Variants in AHDC1 observed in about 807,000 individuals in gnomAD.
The protein encoded by AHDC1 is transcription factor Gibbin.
AHDC1 carries 7 observed loss-of-function variants against 87.9 expected under a neutral mutation model. That is an observed-to-expected ratio of 0.08 (90% CI 0.05 to 0.15). The LOEUF is 0.15. Ranked by LOEUF, AHDC1 falls within the 10% of genes least tolerant of loss-of-function variation. The pLI is 1.00. For missense variants in AHDC1, 1,841 were observed against 2,253.2 expected, an observed-to-expected ratio of 0.82 and a Z score of 3.70; for synonymous variants, 1,051 against 1,006.8, an observed-to-expected ratio of 1.04 and a Z score of -0.83.
At chr1:27,577,524 G>A (rs2088789642) in intron 3 of AHDC1, among the ~76,000 whole-genome samples, 1 of 152,154 alleles carries the variant, frequency 6.6e-6, no homozygotes. Flanking sequence ...GCATCTGGGG[G>A]TGAGGGGAGA....
At chr1:27,574,552 G>A (rs1484094341) in intron 3 of AHDC1, among the ~76,000 whole-genome samples, 1 of 152,182 alleles carries the variant, frequency 6.6e-6, no homozygotes, top group Non-Finnish European at 1.5e-5. Flanking sequence ...TGGCAACTGT[G>A]GCATAGGTGA....
Position 27,560,200 on chromosome 1 carries a change from T to TTGTGTG in AHDC1, c.-628-1323_-628-1318dup, listed in dbSNP as rs10623052. Among the ~76,000 whole-genome samples, 1,387 of 148,512 alleles carry TTGTGTG rather than the reference T, an allele frequency of 9.3e-3. 13 individuals carry two copies. The highest frequency in any genetic ancestry group is 0.028 in the Middle Eastern group (8 of 288). On this transcript the variant is annotated intron_variant, in intron 3 of 8. Transcript: ENST00000673934. The surrounding 1 kb of genome is among the most constrained non-coding windows in gnomAD (Gnocchi z 4.1). ...CTTTTCACGTTTATTTCTATTCGTT[T>TTGTGTG]TGTGTGTGTGTGTGTGTGTGTGTGA... is the stretch of plus-strand genomic sequence containing the variant.
rs2019424604 is a variant in AHDC1, at chr1:27,549,824, T to C, written c.2292A>G (p.Ala764=). 6.2e-6 allele frequency: 10 copies of C among 1,613,568 alleles called. No homozygotes were observed. Among genetic ancestry groups the C allele is most frequent in the Non-Finnish European group, 8.5e-6 (10 of 1,179,864 alleles). ...QVPSGPGFGE[A]GAEWAGDKGG... ...CCTTATCCCCGGCCCACTCAGCACC[T>C]GCCTCCCCAAAGCCTGGGCCACTGG... is the stretch of plus-strand genomic sequence containing the variant. The change falls in exon 8 of 9, where the codon GCA becomes GCG. Residue 764 remains alanine (A), a synonymous_variant. Transcript: ENST00000673934.
chr1:27,585,034 G>T (rs1311834818), intron 3 of AHDC1, among the ~76,000 whole-genome samples: 3 of 151,988 alleles, frequency 2.0e-5, no homozygotes, highest in Non-Finnish European at 4.4e-5. Flanking sequence ...TTAGCCGGGT[G>T]TGGTGGCAGG....
intron 3 of AHDC1, among the ~76,000 whole-genome samples, chr1:27,571,109 A>T (rs1226278314): frequency 6.6e-6 from 1 of 152,186 alleles, no homozygotes; most frequent in Non-Finnish European, 1.5e-5. Flanking sequence ...GGCCAGACCC[A>T]GTGTGGGCTG....
At chr1:27,544,716 T>C (rs1239240125) in intron 8 of AHDC1, among the ~76,000 whole-genome samples, 2 of 152,202 alleles carry the variant, frequency 1.3e-5, no homozygotes, top group Non-Finnish European at 2.9e-5. Context: ...GGGGTTGCCC[T>C]AGAGCCTGTG....
chr1:27,556,975 G>C (rs1409998896), intron 5 of AHDC1, among the ~76,000 whole-genome samples: 1 of 149,504 alleles, frequency 6.7e-6, no homozygotes, highest in Non-Finnish European at 1.5e-5. Flanking sequence ...CGCCCCCTGG[G>C]GCCATCAGGG....
intron 3 of AHDC1, among the ~76,000 whole-genome samples, chr1:27,566,867 G>A (rs952980858): frequency 2.6e-5 from 4 of 151,942 alleles, no homozygotes; most frequent in Non-Finnish European, 4.4e-5. Flanking sequence ...TTGCCATGGA[G>A]GCGGGCACGG....
chr1:27,603,217 C>G (rs1163424917), intron 3 of AHDC1, among the ~76,000 whole-genome samples, 180 bp downstream of exon 3: 1 of 148,580 alleles, frequency 6.7e-6, no homozygotes, highest in Non-Finnish European at 1.5e-5. Flanking sequence ...GGCTTCGAGC[C>G]GAGCCCAGCC....
rs1026015088 is a variant in AHDC1 at position 27,565,160 on chromosome 1, G to C, written c.-628-6277C>G. Among the ~76,000 whole-genome samples the C allele has an allele frequency of 2.0e-5, 3 of 152,182 alleles. No homozygotes were observed. The highest frequency in any genetic ancestry group is 4.4e-5 in the Non-Finnish European group (3 of 68,014). On this transcript the variant is annotated intron_variant, in intron 3 of 8. Transcript: ENST00000673934. The surrounding 1 kb of genome is among the most constrained non-coding windows in gnomAD (Gnocchi z 4.6). ...AGCGGCTAATTTTAGCTGAGGCCTC[G>C]ATGCCAGCTTTGTTCCCCCCACCCA...
At chr1:27,585,174 C>A (rs2089015686) in intron 3 of AHDC1, among the ~76,000 whole-genome samples, 1 of 151,010 alleles carries the variant, frequency 6.6e-6, no homozygotes, top group Non-Finnish European at 1.5e-5. Flanking sequence ...AATCACCTGA[C>A]CCTGGGAAGT....
rs1557655967 is a variant in AHDC1, at chr1:27,547,746, T to C, written c.4370A>G (p.Asp1457Gly). ...GGCTGTGCCCTTGCAGCTGGGGGAA[T>C]CGTAGTGGGGCTGGCCCAGCGGCAG... ...RDLPLGQPHY[D>G]SPSCKGTAYW... Residue 1457 changes from aspartate (D) to glycine (G), a missense_variant, in exon 8 of 9, where the codon GAT becomes GGT. Physicochemically the swap from Asp to Gly is moderately conservative, Grantham distance 94. Around this residue, in one of 13 missense-constraint regions of AHDC1, gnomAD observed 505 missense variants for 626.2 expected, o/e 0.81. Coordinates refer to ENST00000673934, the MANE Select transcript of AHDC1 (RefSeq NM_001371928.1). This position sits in a 1 kb window ranked among gnomAD's most constrained non-coding sequence, Gnocchi z 4.9. The C allele has an allele frequency of 1.3e-6, 2 of 1,592,740 alleles. No homozygotes were observed. Among genetic ancestry groups the C allele is most frequent in the Middle Eastern group, 4.0e-4 (2 of 5,002 alleles).
chr1:27,578,161 A>G (rs2088809973), intron 3 of AHDC1, among the ~76,000 whole-genome samples: 1 of 152,244 alleles, frequency 6.6e-6, no homozygotes, highest in South Asian at 2.1e-4. Flanking sequence ...CAGAACTGGA[A>G]TGTGCTGTAA....
intron 8 of AHDC1, among the ~76,000 whole-genome samples, chr1:27,546,131 G>A (rs779782093): frequency 2.0e-5 from 3 of 152,216 alleles, no homozygotes; most frequent in Non-Finnish European, 4.4e-5. Flanking sequence ...TTCAGTGGCA[G>A]CAGAGGTGAA....
At chr1:27,568,134 A>G (rs1348516654) in intron 3 of AHDC1, 2 of 152,170 alleles carry the variant, frequency 1.3e-5, no homozygotes, top group Non-Finnish European at 2.9e-5. Flanking sequence ...GAAGGGCCCG[A>G]TAGTACAAGG....
intron 3 of AHDC1, among the ~76,000 whole-genome samples, chr1:27,600,825 A>G (rs1474229500): frequency 5.9e-5 from 9 of 152,176 alleles, no homozygotes; most frequent in Non-Finnish European, 1.2e-4. Flanking sequence ...GGGTTCCAGA[A>G]GCCTCCCAGC....
At position 27,547,364 on chromosome 1, in the gene AHDC1, G is replaced by A. The variant is rs771516746; in HGVS notation, c.4752C>T (p.Gly1584=). 10 of 1,554,694 alleles carry A rather than the reference G, an allele frequency of 6.4e-6. No homozygotes were observed. The South Asian group carries it at 1.1e-4, about 17-fold the overall frequency. Residue 1584 remains glycine, a synonymous_variant, in exon 8 of 9, where the codon GGC becomes GGT. Coordinates refer to ENST00000673934, the MANE Select transcript of AHDC1 (RefSeq NM_001371928.1). The surrounding 1 kb of genome is among the most constrained non-coding windows in gnomAD (Gnocchi z 4.9). The part of the protein sequence containing the change: ...HPGLGGGPKS[G]FLGPMAEPHP... ...GAGGTTCCGCCATGGGCCCCAGGAA[G>A]CCGCTCTTGGGGCCCCCACCCAGGC... is the stretch of plus-strand genomic sequence containing the variant.
rs147276945 is a variant in AHDC1 at position 27,550,705 on chromosome 1, C to A, written c.1411G>T (p.Val471Leu). ...GCCATCTTCACCACCATGCGCCGCA[C>A]GCCCCGGCACTTGCCTTTGCGGGTA... ...VSTRKGKCRG[V>L]RRMVVKMAKI... The change falls in exon 8 of 9, where the codon GTG becomes TTG. Residue 471 changes from valine (V) to leucine (L), a missense_variant. By Grantham distance (32) the Val-to-Leu change is conservative. This residue lies in a region of AHDC1 where 27 missense variants were observed against 58.6 expected (regional missense o/e 0.46). Coordinates refer to ENST00000673934, the MANE Select transcript of AHDC1 (RefSeq NM_001371928.1). 8 of 1,608,298 alleles carry A rather than the reference C, an allele frequency of 5.0e-6. No homozygotes were observed. The highest frequency in any genetic ancestry group is 6.8e-6 in the Non-Finnish European group (8 of 1,177,738).
chr1:27,538,086 G>C (rs2018726392), intron 8 of AHDC1, among the ~76,000 whole-genome samples: 1 of 152,096 alleles, frequency 6.6e-6, no homozygotes. Context: ...TGTCAAACAA[G>C]GCAGTAGAGC....
Sources: gnomAD v4.1 joint callset for allele counts (sites outside exome capture counted in the v4.1 genomes callset) on GRCh38, gnomAD v4.1.1 for gene constraint, gnomAD v4.1.1 regional missense constraint, Gnocchi (gnomAD v3.1) non-coding constraint, MANE v1.5 for transcripts, NCBI Gene and HGNC (gene_info 2026-07-23, HGNC 2026-07-21) for gene names.